GAS2L2: variants seen among roughly 807,000 people sequenced by gnomAD.
GAS2L2 encodes the protein growth arrest specific 2 like 2.
Under a neutral mutation model 35.2 loss-of-function variants are expected in GAS2L2, and 21 were observed. That is an observed-to-expected ratio of 0.60 (90% CI 0.42 to 0.86). The LOEUF (loss-of-function observed/expected upper bound fraction) is 0.86, where lower values mean the gene tolerates loss of function less well. Among genes scored for constraint, GAS2L2 ranks in the 40% least tolerant of loss-of-function variants. GAS2L2 has a pLI of 0.00. For missense variants in GAS2L2, 1,169 were observed against 1,144.4 expected (o/e 1.02, Z -0.31); for synonymous variants, 490 against 473.2 (o/e 1.04, Z -0.46).
At position 35,747,889 on chromosome 17, in the gene GAS2L2, A is replaced by G; in HGVS notation, c.792T>C (p.His264=). ...GGCAGGGGTCATGTTTGTCCAGGTA[A>G]TGGCCCAGTGTGTCCCAGCCGCCCC... ...RVGGGWDTLG[H]YLDKHDPCRC... Residue 264 remains histidine, a synonymous_variant, in exon 4 of 6, where the codon CAT becomes CAC. Transcript: ENST00000604641. 1 of 1,613,846 alleles carries G rather than the reference A, an allele frequency of 6.2e-7. No homozygotes were observed. The highest frequency in any genetic ancestry group is 8.5e-7 in the Non-Finnish European group (1 of 1,179,912).
chr17:35,748,838 C>A (rs377289995), intron 3 of GAS2L2, among the ~76,000 whole-genome samples: 4 of 152,216 alleles, frequency 2.6e-5, no homozygotes, highest in African/African-American at 9.6e-5. Context: ...TCTGGCTGCC[C>A]TGATGGGAGG....
At chr17:35,750,049 C>T (rs2085693007) in intron 2 of GAS2L2, 28 bp downstream of exon 2, 2 of 1,597,072 alleles carry the variant, frequency 1.3e-6, no homozygotes, top group African/African-American at 1.3e-5. Flanking sequence ...GGGAAGGGGG[C>T]CCTGAGGGCG....
At chr17:35,746,538 C>G (rs782531734) in intron 5 of GAS2L2, 127 bp from the exon 6 acceptor site, 1 of 517,882 alleles carries the variant, frequency 1.9e-6, no homozygotes, top group African/African-American at 2.0e-5. Context: ...CTAGACTTCA[C>G]GCTGAATGAA....
In GAS2L2 at chr17:35,745,927, T is replaced by C; in HGVS notation, c.1570A>G (p.Ser524Gly). ...CCAAGTTCTGTCCTGGGACTTCCACTTGTAGCACCAGGAAAGCTCCTTCCT... is the reference window on the plus strand; with the variant it reads ...CCAAGTTCTGTCCTGGGACTTCCACCTGTAGCACCAGGAAAGCTCCTTCCT... ...TPGRSFPGAT[S>G]GSPRTELGRD... The change falls in exon 6 of 6, where the codon AGT becomes GGT. Residue 524 changes from serine to glycine, a missense_variant. Coordinates refer to ENST00000604641, the MANE Select transcript of GAS2L2 (RefSeq NM_139285.4). The C allele has an allele frequency of 6.2e-7, 1 of 1,611,252 alleles. No homozygotes were observed. The highest frequency in any genetic ancestry group is 1.7e-4 in the Middle Eastern group (1 of 6,056).
chr17:35,750,284 C>T lies in GAS2L2; in HGVS notation c.420G>A (p.Leu140=). 1.2e-6 allele frequency: 2 copies of T among 1,613,948 alleles called. No individual in the cohort carries two copies. The highest frequency in any genetic ancestry group is 1.7e-6 in the Non-Finnish European group (2 of 1,179,962). ...VLMFETEDLV[L]RKNVKNVVLC... is the part of the protein sequence containing the mutation. ...GCACCACGTTCTTCACGTTCTTGCG[C>T]AGCACCAAGTCCTCCGTCTCGAACA... is the stretch of plus-strand genomic sequence containing the variant. The change falls in exon 2 of 6, where the codon CTG becomes CTA. Residue 140 remains leucine, a synonymous_variant. Transcript: ENST00000604641.
At position 35,745,649 on chromosome 17, in the gene GAS2L2, T is replaced by C. The variant is rs372965463; in HGVS notation, c.1848A>G (p.Glu616=). Residue 616 remains glutamate, a synonymous_variant, in exon 6 of 6, where the codon GAA becomes GAG. Transcript: ENST00000604641. The stretch of plus-strand genomic sequence containing the variant: ...TGCCCTGCGGACAGGCACTCCTGAC[T>C]TCTAGCAGCTTCATGTTGCCCAAAA... ...EEILGNMKLL[E]VRSACPQGTR... The C allele has an allele frequency of 1.8e-5, 29 of 1,613,840 alleles. No homozygotes were observed. Among genetic ancestry groups the C allele is most frequent in the Non-Finnish European group, 2.3e-5 (27 of 1,180,046 alleles).
rs1555598938 is a variant in GAS2L2 at position 35,746,169 on chromosome 17, A to G, written c.1328T>C (p.Ile443Thr). The change falls in exon 6 of 6, where the codon ATT becomes ACT. Residue 443 changes from isoleucine to threonine, a missense_variant. Coordinates refer to ENST00000604641, the MANE Select transcript of GAS2L2 (RefSeq NM_139285.4). Reference sequence around the variant, plus strand: ...TGATATCCCTTTGGTGGTGGCCTCAATGGCTCGGAGTCTTTGTGGGGTGGG... The same window carrying G: ...TGATATCCCTTTGGTGGTGGCCTCAGTGGCTCGGAGTCTTTGTGGGGTGGG... ...GNPTPQRLRAIEATTKGISAR... is the reference protein window; with the variant it reads ...GNPTPQRLRATEATTKGISAR... The G allele has an allele frequency of 3.3e-6, 5 of 1,494,302 alleles. No individual in the cohort carries two copies. The highest frequency in any genetic ancestry group is 4.6e-5 in the East Asian group (2 of 43,616). 92.6% of individuals were successfully genotyped at this position (1,494,302 alleles called of 1,614,324 possible).
At chr17:35,750,413 G>A in intron 1 of GAS2L2, 95 bp from the exon 2 acceptor site, 2 of 1,513,412 alleles carry the variant, frequency 1.3e-6, no homozygotes, top group South Asian at 1.2e-5. Flanking sequence ...GAAAGCACTG[G>A]GGTCATCCCC....
At chr17:35,749,369 C>A in intron 2 of GAS2L2, 152 bp from the exon 3 acceptor site, 1 of 606,374 alleles carries the variant, frequency 1.6e-6, no homozygotes, top group South Asian at 2.0e-5. Flanking sequence ...CTGTAAATGA[C>A]CCAGCGAGAA....
intron 3 of GAS2L2, among the ~76,000 whole-genome samples, chr17:35,748,419 C>A (rs1219018629): frequency 2.0e-5 from 3 of 152,224 alleles, no homozygotes; most frequent in African/African-American, 7.2e-5. Flanking sequence ...CATCACAGGG[C>A]TACTGCCTCA....
At chr17:35,751,968 T>C (rs1331614603) in intron 1 of GAS2L2, among the ~76,000 whole-genome samples, 1 of 146,782 alleles carries the variant, frequency 6.8e-6, no homozygotes, top group African/African-American at 2.5e-5. Flanking sequence ...GCAATTCTCC[T>C]ATCTCAGCCT....
intron 2 of GAS2L2, 119 bp from the exon 3 acceptor site, chr17:35,749,336 A>C: frequency 1.6e-6 from 1 of 633,716 alleles, no homozygotes; most frequent in Admixed American, 2.8e-5. Context: ...GGGGAATGAG[A>C]AGCAAGGAGG....
rs913028948 is a variant in GAS2L2 at position 35,744,731 on chromosome 17, C to T, written c.*123G>A. ...GATGGAGTCTATATTTGTCTTCTGA[C>T]CCACTCCTGCCCAAGGCCCTGTGTG... On this transcript the variant is annotated 3_prime_UTR_variant, in exon 6 of 6. Coordinates refer to ENST00000604641, the MANE Select transcript of GAS2L2 (RefSeq NM_139285.4). The T allele has an allele frequency of 4.2e-5, 31 of 746,576 alleles. No individual in the cohort carries two copies. In the Middle Eastern group the frequency reaches 7.9e-4, roughly 19 times the overall value. 46.2% of individuals were successfully genotyped at this position (746,576 alleles called of 1,614,324 possible). A position where few individuals can be genotyped will look rare whatever the true frequency, so the allele number is the denominator to read the frequency against.
rs781791802 is a variant in GAS2L2 at position 35,752,901 on chromosome 17, GC to G, written c.-52del. On this transcript the variant is annotated 5_prime_UTR_variant, in exon 1 of 6. Coordinates refer to ENST00000604641, the MANE Select transcript of GAS2L2 (RefSeq NM_139285.4). ...TGGGCACCTCCCCTCTCCCACTGCC[GC>G]CTCTTTCCTCCCGCTGCTGCTGGGT... 3.3e-6 allele frequency: 5 copies of G among 1,518,130 alleles called. No homozygotes were observed. In the East Asian group the frequency reaches 1.1e-4, roughly 35 times the overall value. The allele number at this position is 1,518,130 out of a possible 1,614,324, so 94.0% of individuals were successfully genotyped here.
chr17:35,746,394 A>G lies in GAS2L2; in HGVS notation c.1103T>C (p.Leu368Pro), dbSNP rs2085668958. ...APFLRCQERS[L>P]IPSWRQPTAG... Reference sequence around the variant, plus strand: ...TGTCGGCTGCCTCCAAGATGGGATGAGAGACCTCTCCTGGCACCTGAAAGG... The same window carrying G: ...TGTCGGCTGCCTCCAAGATGGGATGGGAGACCTCTCCTGGCACCTGAAAGG... Residue 368 changes from leucine to proline, a missense_variant, in exon 6 of 6, where the codon CTC becomes CCC. Physicochemically the swap from Leu to Pro is moderately conservative, Grantham distance 98. Transcript: ENST00000604641. 2 of 1,343,244 alleles carry G rather than the reference A, an allele frequency of 1.5e-6. No individual in the cohort carries two copies. The highest frequency in any genetic ancestry group is 5.2e-5 in the East Asian group (2 of 38,142). The allele number at this position is 1,343,244 out of a possible 1,614,324, so 83.2% of individuals were successfully genotyped here. A position where few individuals can be genotyped will look rare whatever the true frequency, so the allele number is the denominator to read the frequency against.
chr17:35,751,741 C>G (rs1449099898), intron 1 of GAS2L2, among the ~76,000 whole-genome samples: 1 of 151,516 alleles, frequency 6.6e-6, no homozygotes, highest in African/African-American at 2.4e-5. Context: ...TCCACCTAAT[C>G]AGGCTGCTAT....
At chr17:35,750,384 G>C in intron 1 of GAS2L2, 66 bp from the exon 2 acceptor site, 1 of 1,605,832 alleles carries the variant, frequency 6.2e-7, no homozygotes, top group South Asian at 1.1e-5. Flanking sequence ...GAGCCTCCGG[G>C]GCAGGGGCTA....
At position 35,744,958 on chromosome 17, in the gene GAS2L2, C is replaced by A. The variant is rs1555598583; in HGVS notation, c.2539G>T (p.Glu847Ter). 1 of 1,614,136 alleles carries A rather than the reference C, an allele frequency of 6.2e-7. No individual in the cohort carries two copies. The highest frequency in any genetic ancestry group is 1.7e-5 in the Admixed American group (1 of 60,024). ...EEEEEGKEEKEPAAPLESSPQ... is the reference protein window; with the variant it reads ...EEEEEGKEEK ...CTGCTCTCCAATGGAGCGGCTGGCT[C>A]TTTCTCCTCCTTTCCTTCCTCCTCC... Residue 847 changes from glutamate to a stop codon, truncating the protein, a stop_gained, in exon 6 of 6, where the codon GAG (glutamate) becomes TAG (stop). Coordinates refer to ENST00000604641, the MANE Select transcript of GAS2L2 (RefSeq NM_139285.4). LOFTEE classifies it low-confidence loss of function (END_TRUNC).
At position 35,747,216 on chromosome 17, in the gene GAS2L2, T is replaced by C; in HGVS notation, c.885A>G (p.Glu295=). ...GTGAGGGTCCATCCTGTACCCTTACTTCATGCTGCACTGGTGGGGCCGGGG... is the reference window on the plus strand; with the variant it reads ...GTGAGGGTCCATCCTGTACCCTTACCTCATGCTGCACTGGTGGGGCCGGGG... The part of the protein sequence containing the change: ...LKPPAPPVQH[E]VRVQDGPSQT... Residue 295 remains glutamate (E), a synonymous_variant, in exon 5 of 6, where the codon GAA becomes GAG. Transcript: ENST00000604641. 1 of 1,613,924 alleles carries C rather than the reference T, an allele frequency of 6.2e-7. No homozygotes were observed. The highest frequency in any genetic ancestry group is 8.5e-7 in the Non-Finnish European group (1 of 1,179,898).
Sources: gnomAD v4.1 joint callset for allele counts (sites outside exome capture counted in the v4.1 genomes callset) on GRCh38, gnomAD v4.1.1 for gene constraint, MANE v1.5 for transcripts, NCBI Gene and HGNC (gene_info 2026-07-23, HGNC 2026-07-21) for gene names.